Variants in CCDC178 observed in about 807,000 individuals in gnomAD.
CCDC178 encodes coiled-coil domain containing 178.
In CCDC178, 126 loss-of-function variants were observed where a neutral mutation model predicts 117.4. The observed-to-expected ratio is 1.07, with a 90% CI of 0.93 to 1.24. CCDC178 has a LOEUF of 1.24. Among genes scored for constraint, CCDC178 ranks in the 50% most tolerant of loss-of-function variants. The pLI is 0.00. For synonymous variants in CCDC178, 283 were observed against 313.4 expected, an observed-to-expected ratio of 0.90 and a Z score of 1.02; for missense variants, 1,030 against 986.9, an observed-to-expected ratio of 1.04 and a Z score of -0.59.
At position 33,062,602 on chromosome 18, in the gene CCDC178, C is replaced by G. The variant is rs151089685; in HGVS notation, c.2388+30159G>C. On this transcript the variant is annotated intron_variant, in intron 21 of 22. Transcript: ENST00000383096. ...AGAGAGCCCCAGCAGTCTATAGTTT[C>G]ACCATGAATTCTGCAATTCCAGCCA... is the stretch of plus-strand genomic sequence containing the variant. 3.9e-5 allele frequency among the ~76,000 whole-genome samples: 6 copies of G among 152,296 alleles called. No homozygotes were observed. In the East Asian group the frequency reaches 1.2e-3, roughly 29 times the overall value.
At chr18:33,076,251 C>A (rs548345174) in intron 21 of CCDC178, among the ~76,000 whole-genome samples, 1 of 152,238 alleles carries the variant, frequency 6.6e-6, no homozygotes, top group East Asian at 1.9e-4. Flanking sequence ...AGATGGACTT[C>A]CCCAGACATC....
chr18:33,375,087 A>ACACTGTAAAT (rs2063346470), intron 5 of CCDC178, among the ~76,000 whole-genome samples: 2 of 152,190 alleles, frequency 1.3e-5, no homozygotes, highest in South Asian at 4.1e-4. Context: ...ACTGTAAATG[A>ACACTGTAAAT]GTGGATTGTA....
rs368661368 is a variant in CCDC178, at chr18:33,280,087, C to A, written c.1177-12790G>T. Among the ~76,000 whole-genome samples, 920 of 149,920 alleles carry A rather than the reference C, an allele frequency of 6.1e-3. 34 individuals carry two copies. The East Asian group carries it at 0.11, about 18-fold the overall frequency. On this transcript the variant is annotated intron_variant, in intron 12 of 22. Transcript: ENST00000383096. ...ACACCAAAAGCAATGGCAACAGAAG[C>A]CAAAATTGACAAATGGGATCTAATT...
intron 21 of CCDC178, among the ~76,000 whole-genome samples, chr18:33,038,426 T>C (rs2056485140): frequency 6.6e-6 from 1 of 151,986 alleles, no homozygotes; most frequent in Admixed American, 6.6e-5. Context: ...CTGATGTTTT[T>C]TACCTTTCAT....
chr18:33,339,036 T>C (rs529508414), intron 9 of CCDC178, among the ~76,000 whole-genome samples: 118 of 152,290 alleles, frequency 7.7e-4, no homozygotes, highest in South Asian at 3.1e-3. Context: ...TTTGAAAAGA[T>C]ATTTTGAAGT....
At chr18:33,397,556 CAA>C (rs2063655840) in intron 3 of CCDC178, among the ~76,000 whole-genome samples, 1 of 151,824 alleles carries the variant, frequency 6.6e-6, no homozygotes, top group Admixed American at 6.6e-5. Context: ...ATCTAATTTC[CAA>C]AGTTATATAT....
intron 14 of CCDC178, among the ~76,000 whole-genome samples, chr18:33,264,163 C>T (rs2059785640): frequency 1.3e-5 from 2 of 152,028 alleles, no homozygotes; most frequent in South Asian, 2.1e-4. Context: ...CATTTGCATA[C>T]ATTTGTAATG....
chr18:33,392,266 C>T (rs1482836846), intron 4 of CCDC178, among the ~76,000 whole-genome samples: 1 of 152,192 alleles, frequency 6.6e-6, no homozygotes, highest in Admixed American at 6.5e-5. Flanking sequence ...GGCAAATGTC[C>T]TATTTTCCAA....
At chr18:33,232,400 C>G (rs2059378240) in intron 15 of CCDC178, among the ~76,000 whole-genome samples, 1 of 152,118 alleles carries the variant, frequency 6.6e-6, no homozygotes, top group Non-Finnish European at 1.5e-5. Context: ...TTTCCAGTGA[C>G]AGAGAAGCAC....
intron 12 of CCDC178, among the ~76,000 whole-genome samples, chr18:33,281,927 A>C (rs1385069195): frequency 1.3e-5 from 2 of 152,232 alleles, no homozygotes; most frequent in Non-Finnish European, 2.9e-5. Context: ...AGGGTTTAAG[A>C]AACTGTAAAG....
Position 33,056,459 on chromosome 18 carries a change from A to T in CCDC178, c.2388+36302T>A, listed in dbSNP as rs577176419. On this transcript the variant is annotated intron_variant, in intron 21 of 22. Coordinates refer to ENST00000383096, the MANE Select transcript of CCDC178 (RefSeq NM_001105528.4). The stretch of plus-strand genomic sequence containing the variant: ...AGCATTGGTGACAACATATTGATAA[A>T]CGTGGCAGGGCCATAAAATCACCCC... Among the ~76,000 whole-genome samples the T allele has an allele frequency of 7.0e-4, 107 of 152,356 alleles. No individual in the cohort carries two copies. In the Middle Eastern group the frequency reaches 0.02, roughly 29 times the overall value.
intron 2 of CCDC178, among the ~76,000 whole-genome samples, chr18:33,415,817 T>TA (rs913985534): frequency 3.3e-5 from 5 of 151,866 alleles, no homozygotes; most frequent in Admixed American, 6.6e-5. Flanking sequence ...GTAAGTACAA[T>TA]AAAAAAAACT....
At chr18:33,058,176 A>C (rs1238660406) in intron 21 of CCDC178, among the ~76,000 whole-genome samples, 1 of 152,208 alleles carries the variant, frequency 6.6e-6, no homozygotes, top group East Asian at 1.9e-4. Context: ...AGAAATGAAA[A>C]CATACGTCTA....
At position 33,072,141 on chromosome 18, in the gene CCDC178, A is replaced by ATACT. The variant is rs1190783589; in HGVS notation, c.2388+20616_2388+20619dup. 3.9e-5 allele frequency among the ~76,000 whole-genome samples: 6 copies of ATACT among 152,100 alleles called. No individual in the cohort carries two copies. In the East Asian group the frequency reaches 1.2e-3, roughly 29 times the overall value. On this transcript the variant is annotated intron_variant, in intron 21 of 22. Transcript: ENST00000383096. ...CCTTCTAATTTTGGTTACTAATACT[A>ATACT]TACTTTTAAATGAATTCAGAGAGAA...
At chr18:33,214,693 G>A (rs2059145046) in intron 19 of CCDC178, among the ~76,000 whole-genome samples, 1 of 151,938 alleles carries the variant, frequency 6.6e-6, no homozygotes, top group Non-Finnish European at 1.5e-5. Context: ...GTGTTTTTCA[G>A]ATAAAGCTGA....
intron 20 of CCDC178, among the ~76,000 whole-genome samples, chr18:33,191,980 CTGTTA>C (rs1446526657): frequency 4.6e-5 from 7 of 152,082 alleles, no homozygotes; most frequent in Admixed American, 2.0e-4. Flanking sequence ...TGCACATGTT[CTGTTA>C]TATGATAGAA....
At chr18:33,382,361 C>T (rs562273447) in intron 5 of CCDC178, among the ~76,000 whole-genome samples, 131 of 152,246 alleles carry the variant, frequency 8.6e-4, no homozygotes, top group African/African-American at 3.0e-3. Context: ...AATTCTGGAA[C>T]TAAAAAGTAC....
chr18:33,302,366 A>G (rs2062187682), intron 11 of CCDC178, among the ~76,000 whole-genome samples: 1 of 152,298 alleles, frequency 6.6e-6, no homozygotes, highest in East Asian at 1.9e-4. Flanking sequence ...AGCTGGTGAG[A>G]ATGCAAAAAA....
chr18:33,233,999 T>C (rs1313915430), intron 15 of CCDC178, among the ~76,000 whole-genome samples: 1 of 152,116 alleles, frequency 6.6e-6, no homozygotes, highest in Admixed American at 6.6e-5. Flanking sequence ...AGCAAAGTAC[T>C]AACCCAGTAG....
Sources: allele counts gnomAD v4.1 joint callset (sites outside exome capture counted in the v4.1 genomes callset), GRCh38; gene constraint gnomAD v4.1.1; transcripts MANE v1.5; gene names NCBI Gene and HGNC (gene_info 2026-07-23, HGNC 2026-07-21).